NRG3: variants seen among roughly 807,000 people sequenced by gnomAD.
NRG3 encodes pro-neuregulin-3, membrane-bound isoform.
A neutral mutation model predicts 66.9 loss-of-function variants in NRG3; 31 were observed. The observed-to-expected ratio is 0.46, with a 90% CI of 0.35 to 0.63. The LOEUF is 0.63. NRG3 is among the 20% of genes least tolerant of loss of function. The pLI is 0.00. For synonymous variants in NRG3, 393 were observed against 359.4 expected (o/e 1.09, Z -1.06); for missense variants, 910 against 878.9 (o/e 1.04, Z -0.45).
At chr10:81,896,433 A>G (rs1292884689) in intron 1 of NRG3, among the ~76,000 whole-genome samples, 7 of 152,172 alleles carry the variant, frequency 4.6e-5, no homozygotes, top group Non-Finnish European at 1.0e-4. Flanking sequence ...TTAGTAAAGA[A>G]TACTTTTCTG....
chr10:82,313,451 A>T (rs537722313), intron 1 of NRG3, among the ~76,000 whole-genome samples: 16 of 152,284 alleles, frequency 1.1e-4, no homozygotes, highest in Admixed American at 2.0e-4. Flanking sequence ...GCCAATCCTG[A>T]ATGTATTTAA....
At chr10:82,715,511 A>G (rs1011355278) in intron 2 of NRG3, among the ~76,000 whole-genome samples, 6 of 152,202 alleles carry the variant, frequency 3.9e-5, no homozygotes, top group African/African-American at 1.4e-4. Context: ...TGTGGTTTCT[A>G]TGATTTTCAA....
chr10:82,171,731 G>C (rs567215699), intron 1 of NRG3, among the ~76,000 whole-genome samples: 1 of 152,140 alleles, frequency 6.6e-6, no homozygotes, highest in Admixed American at 6.6e-5. Context: ...AACCAAAATT[G>C]CTTCATGATT....
chr10:82,215,135 G>C (rs1343017705), intron 1 of NRG3, among the ~76,000 whole-genome samples: 1 of 152,070 alleles, frequency 6.6e-6, no homozygotes, highest in African/African-American at 2.4e-5. Context: ...TCAGCAAAAA[G>C]CTTTAACCTC....
chr10:82,247,410 G>A (rs2077292476), intron 1 of NRG3, among the ~76,000 whole-genome samples: 1 of 152,114 alleles, frequency 6.6e-6, no homozygotes, highest in Non-Finnish European at 1.5e-5. Context: ...GAATAAGAGA[G>A]CTCTTGGGGG....
intron 1 of NRG3, among the ~76,000 whole-genome samples, chr10:81,921,781 C>G (rs972632496): frequency 1.3e-5 from 2 of 152,058 alleles, no homozygotes; most frequent in African/African-American, 2.4e-5. Context: ...TGACTGTTTT[C>G]ACTTCTTATG....
chr10:82,634,445 AG>A (rs2133756336), intron 2 of NRG3, among the ~76,000 whole-genome samples: 1 of 150,248 alleles, frequency 6.7e-6, no homozygotes, highest in Admixed American at 6.7e-5. Context: ...GATCTTCAGA[AG>A]TTTAGAGGTA....
At chr10:82,859,559 C>CT (rs1232699431) in intron 3 of NRG3, among the ~76,000 whole-genome samples, 4 of 152,130 alleles carry the variant, frequency 2.6e-5, no homozygotes, top group Admixed American at 1.3e-4. Flanking sequence ...TCAGCAGCCC[C>CT]TTTTTGTCAG....
intron 1 of NRG3, among the ~76,000 whole-genome samples, chr10:81,918,084 A>AT (rs1201403001): frequency 2.0e-5 from 3 of 152,240 alleles, no homozygotes; most frequent in African/African-American, 4.8e-5. Context: ...TGGAACAGAA[A>AT]TAGTTTTTTC....
At chr10:82,598,177 C>A (rs947304295) in intron 2 of NRG3, among the ~76,000 whole-genome samples, 4 of 152,084 alleles carry the variant, frequency 2.6e-5, no homozygotes, top group African/African-American at 4.8e-5. Flanking sequence ...AATTAAATAT[C>A]TTATTTTGAA....
chr10:82,729,913 C>CT (rs777199810), intron 2 of NRG3, among the ~76,000 whole-genome samples: 10 of 151,906 alleles, frequency 6.6e-5, no homozygotes, highest in Non-Finnish European at 1.0e-4. Flanking sequence ...TTTTCTTTTC[C>CT]TTTTTTGTGG....
At chr10:82,618,425 T>C (rs1445758003) in intron 2 of NRG3, among the ~76,000 whole-genome samples, 1 of 152,194 alleles carries the variant, frequency 6.6e-6, no homozygotes, top group Non-Finnish European at 1.5e-5. Flanking sequence ...ACTTGGTGAC[T>C]GACAGTTTTA....
chr10:82,244,191 C>A (rs2077130957), intron 1 of NRG3, among the ~76,000 whole-genome samples: 1 of 152,092 alleles, frequency 6.6e-6, no homozygotes, highest in South Asian at 2.1e-4. Flanking sequence ...TGGACAGTGA[C>A]AATAGCATTC....
chr10:82,568,686 A>G (rs980115340), intron 2 of NRG3, among the ~76,000 whole-genome samples: 10 of 151,810 alleles, frequency 6.6e-5, no homozygotes, highest in Non-Finnish European at 1.2e-4. Flanking sequence ...TGCTCCAGTT[A>G]TTATTAAAGT....
At chr10:82,582,223 G>T (rs1279640938) in intron 2 of NRG3, among the ~76,000 whole-genome samples, 2 of 151,998 alleles carry the variant, frequency 1.3e-5, no homozygotes, top group African/African-American at 2.4e-5. Flanking sequence ...GAGTATTTGA[G>T]GTCATGGATA....
At chr10:82,984,366 G>T (rs1228744785) in intron 8 of NRG3, among the ~76,000 whole-genome samples, 1 of 152,140 alleles carries the variant, frequency 6.6e-6, no homozygotes, top group Non-Finnish European at 1.5e-5. Flanking sequence ...TACCTTACTT[G>T]GTTTCTTGGT....
At chr10:82,246,419 T>C (rs2077246225) in intron 1 of NRG3, among the ~76,000 whole-genome samples, 1 of 152,178 alleles carries the variant, frequency 6.6e-6, no homozygotes, top group African/African-American at 2.4e-5. Flanking sequence ...TCTGATGATG[T>C]GATGAATAAT....
chr10:81,999,149 T>C (rs2133654420), intron 1 of NRG3, among the ~76,000 whole-genome samples: 1 of 152,292 alleles, frequency 6.6e-6, no homozygotes, highest in East Asian at 1.9e-4. Context: ...TCCAAAAATA[T>C]TTACTACTTG....
chr10:82,143,827 C>T (rs892034774), intron 1 of NRG3, among the ~76,000 whole-genome samples: 7 of 152,018 alleles, frequency 4.6e-5, no homozygotes, highest in Non-Finnish European at 8.8e-5. Context: ...CCCAAGAATT[C>T]GAGATTGGCC....
Sources: allele counts gnomAD v4.1 joint callset (sites outside exome capture counted in the v4.1 genomes callset), GRCh38; gene constraint gnomAD v4.1.1; transcripts MANE v1.5; gene names NCBI Gene and HGNC (gene_info 2026-07-23, HGNC 2026-07-21).